Variants in MND1 observed in about 807,000 individuals in gnomAD.
MND1 encodes meiotic nuclear divisions 1.
MND1 carries 28 observed loss-of-function variants against 35.1 expected under a neutral mutation model. That is an observed-to-expected ratio of 0.80 (90% CI 0.59 to 1.09). The LOEUF (loss-of-function observed/expected upper bound fraction) is 1.09. MND1 is among the 50% of genes least tolerant of loss of function. The pLI is 0.00. For synonymous variants in MND1, 69 were observed against 70.5 expected, an observed-to-expected ratio of 0.98 and a Z score of 0.11; for missense variants, 213 against 239.6, an observed-to-expected ratio of 0.89 and a Z score of 0.73.
At chr4:153,407,899 G>C (rs564382440) in intron 6 of MND1, among the ~76,000 whole-genome samples, 73 of 152,230 alleles carry the variant, frequency 4.8e-4, no homozygotes, top group African/African-American at 1.5e-3. Flanking sequence ...AGTGCTAAGG[G>C]GCACAAGGGT....
At chr4:153,385,125 G>C (rs1237702587) in intron 4 of MND1, among the ~76,000 whole-genome samples, 2 of 152,166 alleles carry the variant, frequency 1.3e-5, no homozygotes, top group African/African-American at 4.8e-5. Context: ...TATGTAGTAG[G>C]TACTTTATAA....
intron 4 of MND1, among the ~76,000 whole-genome samples, chr4:153,361,946 G>C (rs190824218): frequency 6.6e-6 from 1 of 151,966 alleles, no homozygotes; most frequent in Admixed American, 6.6e-5. Context: ...TCATTCTATC[G>C]TCTATGTTGT....
chr4:153,365,646 C>G (rs1160361953), intron 4 of MND1, among the ~76,000 whole-genome samples: 1 of 151,702 alleles, frequency 6.6e-6, no homozygotes, highest in Non-Finnish European at 1.5e-5. Flanking sequence ...GTCACCCAGG[C>G]TGGAGTGCAG....
intron 4 of MND1, among the ~76,000 whole-genome samples, chr4:153,365,940 A>G (rs1469652305): frequency 6.7e-6 from 1 of 149,220 alleles, no homozygotes; most frequent in Non-Finnish European, 1.5e-5. Context: ...AATTAGTGCA[A>G]ACTTGGTGGC....
At chr4:153,355,558 C>T (rs1042216056) in intron 2 of MND1, 96 bp from the exon 3 acceptor site, 2 of 704,912 alleles carry the variant, frequency 2.8e-6, no homozygotes, top group Non-Finnish European at 5.0e-6. Flanking sequence ...ATGTATACAA[C>T]TATTATGTAC....
At chr4:153,409,547 ACAG>A (rs1408220362) in intron 7 of MND1, among the ~76,000 whole-genome samples, 1 of 152,176 alleles carries the variant, frequency 6.6e-6, no homozygotes, top group Non-Finnish European at 1.5e-5. Flanking sequence ...CATGTGTCAG[ACAG>A]CAGAACAGGA....
At chr4:153,393,970 G>A (rs576480406) in intron 4 of MND1, among the ~76,000 whole-genome samples, 6 of 109,730 alleles carry the variant, frequency 5.5e-5, no homozygotes, top group South Asian at 5.9e-4. Context: ...TTGCTCTGTC[G>A]CCAGGCTGGA....
rs1217311984 is a variant in MND1 at position 153,352,744 on chromosome 4, C to CT, written c.69+2617dup. Among the ~76,000 whole-genome samples the CT allele has an allele frequency of 9.6e-3, 310 of 32,444 alleles. 3 individuals carry two copies. The highest frequency in any genetic ancestry group is 0.024 in the African/African-American group (287 of 11,994). 21.3% of individuals were successfully genotyped at this position (32,444 alleles called of 152,430 possible). ...CCCAGGTAACAGAGTGAGACCCTAT[C>CT]TTAAAAAAAAAAAAAAAAAAAAAAC... On this transcript the variant is annotated intron_variant, in intron 2 of 7. Coordinates refer to ENST00000240488, the MANE Select transcript of MND1 (RefSeq NM_032117.4).
At position 153,350,081 on chromosome 4, in the gene MND1, G is replaced by C. The variant is rs762847106; in HGVS notation, c.21G>C (p.Leu7=). The change falls in exon 2 of 8, where the codon CTG becomes CTC. Residue 7 remains leucine (L), a synonymous_variant. Coordinates refer to ENST00000240488, the MANE Select transcript of MND1 (RefSeq NM_032117.4). MSKKKG[L]SAEEKRTRMM... ...TGCTTTAGTCAAAGAAAAAAGGACT[G>C]AGTGCAGAAGAAAAGAGAACTCGCA... 3 of 1,602,958 alleles carry C rather than the reference G, an allele frequency of 1.9e-6. No individual in the cohort carries two copies. In the African/African-American group the frequency reaches 4.0e-5, roughly 22 times the overall value.
intron 4 of MND1, among the ~76,000 whole-genome samples, chr4:153,365,980 C>G (rs148791276): frequency 1.2e-4 from 19 of 152,296 alleles, no homozygotes; most frequent in Middle Eastern, 3.4e-3. Context: ...TCTCACAGCT[C>G]TGGAGGCCAG....
In MND1 at chr4:153,350,044, T is replaced by G; in HGVS notation, c.4-20T>G. On this transcript the variant is annotated intron_variant, in intron 1 of 7. Transcript: ENST00000240488. The stretch of plus-strand genomic sequence containing the variant: ...AATGTGTTTAAAAGCATTGTTTACT[T>G]GTTAATTTTTTTGCTTTAGTCAAAG... 1 of 1,540,722 alleles carries G rather than the reference T, an allele frequency of 6.5e-7. No individual in the cohort carries two copies. The highest frequency in any genetic ancestry group is 8.9e-7 in the Non-Finnish European group (1 of 1,129,734).
chr4:153,358,724 C>A, intron 4 of MND1, 102 bp downstream of exon 4: 1 of 1,093,544 alleles, frequency 9.1e-7, no homozygotes. Context: ...TTTTGATATG[C>A]ATTATTTGAC....
Position 153,344,749 on chromosome 4 carries a change from T to TGAG in MND1, c.3+11_3+13dup. 2 of 1,601,634 alleles carry TGAG rather than the reference T, an allele frequency of 1.2e-6. No homozygotes were observed. The highest frequency in any genetic ancestry group is 2.2e-5 in the South Asian group (2 of 89,144). ...CCTGCGCCCGCGCCATGGTAAGGAC[T>TGAG]GAGGCTACGGTCCCGCGTCTTCTTC... On this transcript the variant is annotated intron_variant, in intron 1 of 7. Transcript: ENST00000240488.
At chr4:153,368,144 G>A (rs996061970) in intron 4 of MND1, among the ~76,000 whole-genome samples, 2 of 151,940 alleles carry the variant, frequency 1.3e-5, no homozygotes, top group African/African-American at 4.8e-5. Flanking sequence ...TTTACTTATG[G>A]GCCTTACTGA....
chr4:153,348,631 G>A (rs895817616), intron 1 of MND1, among the ~76,000 whole-genome samples: 1 of 152,116 alleles, frequency 6.6e-6, no homozygotes, highest in Non-Finnish European at 1.5e-5. Flanking sequence ...TTTTATTCCT[G>A]TGGGAATGAG....
chr4:153,344,876 C>T (rs1304956252), intron 1 of MND1, 136 bp downstream of exon 1: 1 of 1,443,496 alleles, frequency 6.9e-7, no homozygotes, highest in Admixed American at 2.2e-5. Flanking sequence ...GGCTCTCGGC[C>T]TCACCGTGTA....
Position 153,390,030 on chromosome 4 carries a change from CTT to C in MND1, c.277-4218_277-4217del, listed in dbSNP as rs33959069. On this transcript the variant is annotated intron_variant, in intron 4 of 7. Coordinates refer to ENST00000240488, the MANE Select transcript of MND1 (RefSeq NM_032117.4). ...ACCTGTGCCTTAAAAAGCCCTTTGG[CTT>C]TTTTTTTTTTTTTATATGCTAAAGT... Among the ~76,000 whole-genome samples, 952 of 143,486 alleles carry C rather than the reference CTT, an allele frequency of 6.6e-3. 5 individuals are homozygous for C. The highest frequency in any genetic ancestry group is 0.02 in the African/African-American group (801 of 39,394). 94.1% of individuals were successfully genotyped at this position (143,486 alleles called of 152,430 possible).
At chr4:153,357,021 C>T (rs1425417180) in intron 3 of MND1, among the ~76,000 whole-genome samples, 6 of 152,184 alleles carry the variant, frequency 3.9e-5, no homozygotes, top group African/African-American at 1.4e-4. Flanking sequence ...TGGGGATTTG[C>T]CATGTTGGCC....
chr4:153,348,015 T>A (rs915652695), intron 1 of MND1, among the ~76,000 whole-genome samples: 5 of 151,960 alleles, frequency 3.3e-5, no homozygotes, highest in African/African-American at 1.2e-4. Context: ...GGGAAAAAGG[T>A]CTTATTTATG....
Sources: gnomAD v4.1 joint callset for allele counts (sites outside exome capture counted in the v4.1 genomes callset) on GRCh38, gnomAD v4.1.1 for gene constraint, MANE v1.5 for transcripts, NCBI Gene and HGNC (gene_info 2026-07-23, HGNC 2026-07-21) for gene names.